Variants in ATP2C2 observed in about 807,000 individuals in gnomAD.
ATP2C2 encodes the protein ATPase secretory pathway Ca2+ transporting 2.
ATP2C2 carries 171 observed loss-of-function variants against 110.8 expected under a neutral mutation model. The ratio of observed to expected loss-of-function variants is 1.54; its 90% CI spans 1.36 to 1.75. The LOEUF (loss-of-function observed/expected upper bound fraction) is 1.75, where lower values mean the gene tolerates loss of function less well. Ranked by LOEUF, ATP2C2 falls within the 40% of genes most tolerant of loss-of-function variation. The pLI is 0.00. For synonymous variants in ATP2C2, 804 were observed against 508.4 expected (o/e 1.58, Z -7.82); for missense variants, 1,963 against 1,235.0 (o/e 1.59, Z -8.84).
intron 1 of ATP2C2, among the ~76,000 whole-genome samples, 185 bp downstream of exon 1, chr16:84,368,899 C>G (rs947745629): frequency 1.3e-5 from 2 of 152,242 alleles, no homozygotes; most frequent in African/African-American, 4.8e-5. Context: ...GCGGGGAGCT[C>G]AGCATGGAAC....
rs147255831 is a variant in ATP2C2, at chr16:84,461,153, G to T, written c.2481+352G>T. ...AAATATCCTCCTGTGTTACACTCTA[G>T]AGGTGATTGTTTGCTTTGGATCTAG... On this transcript the variant is annotated intron_variant, in intron 24 of 26. Coordinates refer to ENST00000262429, the MANE Select transcript of ATP2C2 (RefSeq NM_014861.4). 1,054 of 294,516 alleles carry T rather than the reference G, an allele frequency of 3.6e-3. 11 individuals carry two copies. The highest frequency in any genetic ancestry group is 0.021 in the African/African-American group (995 of 46,500). 18.2% of individuals were successfully genotyped at this position (294,516 alleles called of 1,614,324 possible). A position where few individuals can be genotyped will look rare whatever the true frequency, so the allele number is the denominator to read the frequency against.
chr16:84,413,398 A>G (rs1906562570), intron 6 of ATP2C2, among the ~76,000 whole-genome samples: 1 of 152,170 alleles, frequency 6.6e-6, no homozygotes, highest in Non-Finnish European at 1.5e-5. Flanking sequence ...AATAGGGACA[A>G]GAAGAGGATG....
rs1253099469 is a variant in ATP2C2 at position 84,408,317 on chromosome 16, C to T, written c.328-88C>T. On this transcript the variant is annotated intron_variant, in intron 3 of 26. Transcript: ENST00000262429. ...TGGAAGCCTGGCCCTGAACTGAGAC[C>T]CCTGTCACACAAACTTCTGCACAGT... 15 of 1,281,436 alleles carry T rather than the reference C, an allele frequency of 1.2e-5. No homozygotes were observed. In the Admixed American group the frequency reaches 1.9e-4, roughly 16 times the overall value. The allele number at this position is 1,281,436 out of a possible 1,614,324, so 79.4% of individuals were successfully genotyped here.
intron 17 of ATP2C2, among the ~76,000 whole-genome samples, chr16:84,451,456 T>G (rs114878367): frequency 0.014 from 2,155 of 152,334 alleles, 66 homozygotes; most frequent in African/African-American, 0.05. Flanking sequence ...TGAGAGCCGC[T>G]GGAGGCATCT....
intron 17 of ATP2C2, among the ~76,000 whole-genome samples, chr16:84,450,301 C>T (rs945606509): frequency 3.9e-5 from 6 of 152,140 alleles, no homozygotes; most frequent in Admixed American, 6.5e-5. Flanking sequence ...AGCAGGTGAC[C>T]GTGGACTGAT....
intron 1 of ATP2C2, among the ~76,000 whole-genome samples, chr16:84,382,411 C>T (rs376911575): frequency 6.6e-6 from 1 of 152,214 alleles, no homozygotes; most frequent in Admixed American, 6.5e-5. Context: ...ACATTCTTCA[C>T]AGAAACCTCC....
chr16:84,445,402 G>A lies in ATP2C2; in HGVS notation c.1402-927G>A, dbSNP rs550888043. Among the ~76,000 whole-genome samples, 38 of 152,128 alleles carry A rather than the reference G, an allele frequency of 2.5e-4. No individual in the cohort carries two copies. In the South Asian group the frequency reaches 6.6e-3, roughly 27 times the overall value. On this transcript the variant is annotated intron_variant, in intron 15 of 26. Transcript: ENST00000262429. ...TTTTTGTATTTTTAGTAGAGACAGG[G>A]TTTCACCATGTTAGTCAGGATGGTC... is the stretch of plus-strand genomic sequence containing the variant.
intron 11 of ATP2C2, among the ~76,000 whole-genome samples, chr16:84,437,953 C>A (rs2061788): frequency 0.16 from 24,077 of 152,180 alleles, 2,296 homozygotes; most frequent in East Asian, 0.51. Flanking sequence ...TTCTGAACAT[C>A]CCTTATGAAT....
intron 15 of ATP2C2, among the ~76,000 whole-genome samples, chr16:84,443,774 A>G (rs1234385641): frequency 6.6e-6 from 1 of 151,952 alleles, no homozygotes; most frequent in African/African-American, 2.4e-5. Flanking sequence ...AACCTCCCAC[A>G]CCACTGCCTT....
chr16:84,423,065 A>T (rs1907497103), intron 9 of ATP2C2, 123 bp from the exon 10 acceptor site: 2 of 761,556 alleles, frequency 2.6e-6, no homozygotes, highest in East Asian at 5.1e-5. Context: ...ATGAATGTTG[A>T]CATATGTGTA....
Position 84,440,963 on chromosome 16 carries a change from G to T in ATP2C2, c.1311+5G>T. 6.2e-7 allele frequency: 1 copy of T among 1,605,734 alleles called. No homozygotes were observed. The highest frequency in any genetic ancestry group is 8.5e-7 in the Non-Finnish European group (1 of 1,174,184). On this transcript the variant is annotated splice_donor_5th_base_variant and intron_variant, in intron 14 of 26. Coordinates refer to ENST00000262429, the MANE Select transcript of ATP2C2 (RefSeq NM_014861.4). ...TCAGTGGGAAAGTTAGTGGAGGTAG[G>T]TGTCAAAAGCGCCATGAGGGAAATA...
At chr16:84,416,212 C>T (rs1597796275) in intron 7 of ATP2C2, among the ~76,000 whole-genome samples, 1 of 152,166 alleles carries the variant, frequency 6.6e-6, no homozygotes, top group Non-Finnish European at 1.5e-5. Flanking sequence ...GGCTGTGGGG[C>T]AAGCTTCGTG....
chr16:84,452,929 G>C (rs185269721), intron 18 of ATP2C2, among the ~76,000 whole-genome samples: 1 of 152,160 alleles, frequency 6.6e-6, no homozygotes, highest in Non-Finnish European at 1.5e-5. Flanking sequence ...AGTCACTTCT[G>C]TTTCCCCATC....
intron 11 of ATP2C2, among the ~76,000 whole-genome samples, chr16:84,426,569 C>T (rs1907832764): frequency 6.6e-6 from 1 of 152,122 alleles, no homozygotes; most frequent in African/African-American, 2.4e-5. Flanking sequence ...CAGCAAGTTT[C>T]TTAGCTCTCT....
At chr16:84,433,566 C>G (rs1167535372) in intron 11 of ATP2C2, among the ~76,000 whole-genome samples, 1 of 151,928 alleles carries the variant, frequency 6.6e-6, no homozygotes, top group East Asian at 1.9e-4. Context: ...GCAGGAGAAT[C>G]TCTTGAACCC....
At chr16:84,423,922 C>G (rs1365437807) in intron 10 of ATP2C2, among the ~76,000 whole-genome samples, 1 of 152,204 alleles carries the variant, frequency 6.6e-6, no homozygotes, top group Non-Finnish European at 1.5e-5. Context: ...GAATCTAGAT[C>G]TTAAGGCTTG....
At chr16:84,433,714 C>T (rs34181096) in intron 11 of ATP2C2, among the ~76,000 whole-genome samples, 1 of 151,806 alleles carries the variant, frequency 6.6e-6, no homozygotes, top group Non-Finnish European at 1.5e-5. Flanking sequence ...ACCCTCCTGC[C>T]AATAATGGTG....
intron 10 of ATP2C2, 70 bp downstream of exon 10, chr16:84,423,333 T>C (rs1597808627): frequency 1.4e-6 from 2 of 1,432,628 alleles, no homozygotes; most frequent in East Asian, 4.6e-5. Context: ...GGGGTTGCCA[T>C]GGCCGTTTCT....
chr16:84,385,259 C>T (rs9630648), intron 1 of ATP2C2, among the ~76,000 whole-genome samples: 27,371 of 151,672 alleles, frequency 0.18, 2,658 homozygotes, highest in South Asian at 0.3. Flanking sequence ...GAGCAGGGGA[C>T]GGTGTCCCAT....
Sources: gnomAD v4.1 joint callset for allele counts (sites outside exome capture counted in the v4.1 genomes callset) on GRCh38, gnomAD v4.1.1 for gene constraint, MANE v1.5 for transcripts, NCBI Gene and HGNC (gene_info 2026-07-23, HGNC 2026-07-21) for gene names.